The following TRPM5 variants were observed in gnomAD, a reference collection of about 807,000 sequenced individuals.
The protein encoded by TRPM5 is MLSN1 and TRP-related.
A neutral mutation model predicts 124.9 loss-of-function variants in TRPM5; 121 were observed. The ratio of observed to expected loss-of-function variants is 0.97; its 90% CI spans 0.84 to 1.13. The LOEUF is 1.13. Ranked by LOEUF, TRPM5 falls within the 50% of genes most tolerant of loss-of-function variation. TRPM5 has a pLI of 0.00. For missense variants in TRPM5, 1,643 were observed against 1,589.1 expected (o/e 1.03, Z -0.58); for synonymous variants, 781 against 700.5 (o/e 1.11, Z -1.81).
At chr11:2,408,885 A>G (rs1468608753) in intron 18 of TRPM5, among the ~76,000 whole-genome samples, 2 of 152,094 alleles carry the variant, frequency 1.3e-5, no homozygotes, top group East Asian at 3.9e-4. Context: ...GTGAGCCTGT[A>G]CATGTGATTG....
chr11:2,414,278 T>C (rs1850520172), intron 11 of TRPM5, 72 bp from the exon 17 acceptor site: 1 of 1,522,440 alleles, frequency 6.6e-7, no homozygotes, highest in South Asian at 1.3e-5. Context: ...CCCTCCTCCA[T>C]CCCCTGCCCA....
intron 4 of TRPM5, among the ~76,000 whole-genome samples, chr11:2,419,622 C>CAAAAAAAAAA (rs3986606): frequency 1.0e-4 from 13 of 126,954 alleles, no homozygotes; most frequent in African/African-American, 3.6e-4. Flanking sequence ...GATTCTGCCT[C>CAAAAAAAAAA]AAAAAAAAAA....
chr11:2,426,889 C>G (rs573636584), upstream of TRPM5, among the ~76,000 whole-genome samples: 1 of 152,328 alleles, frequency 6.6e-6, no homozygotes, highest in Admixed American at 6.5e-5. Context: ...GGACACGGCT[C>G]AGGGAAGTGG....
chr11:2,430,267 G>T, the TRPM5 span, among the ~76,000 whole-genome samples: 1 of 147,030 alleles, frequency 6.8e-6, no homozygotes, highest in Non-Finnish European at 1.5e-5. Flanking sequence ...ACCTGGAGTG[G>T]GTGCTGGCTT....
At chr11:2,417,947 C>G in intron 6 of TRPM5, 118 bp from the exon 12 acceptor site, 1 of 1,097,664 alleles carries the variant, frequency 9.1e-7, no homozygotes, top group African/African-American at 1.6e-5. Flanking sequence ...TTGCAGCCTG[C>G]ATGCCCACCG....
upstream of TRPM5, among the ~76,000 whole-genome samples, chr11:2,427,839 C>T (rs58065163): frequency 0.015 from 2,304 of 152,256 alleles, 62 homozygotes; most frequent in African/African-American, 0.053. Flanking sequence ...CGTCTCATGC[C>T]GGGGTGCTGG....
At chr11:2,404,937 T>C in exon 24 of TRPM5, 2 of 1,611,402 alleles carry the variant, frequency 1.2e-6, no homozygotes, top group Non-Finnish European at 1.7e-6. Context: ...GCCAAGCAGC[T>C]CAGGTGTCCG....
At chr11:2,407,361 C>T (rs984325837) in intron 19 of TRPM5, 61 bp from the exon 25 acceptor site, 165 of 1,482,112 alleles carry the variant, frequency 1.1e-4, no homozygotes, top group African/African-American at 5.7e-4. Context: ...GGGGACGCAT[C>T]CCCCTGCACC....
At chr11:2,414,009 G>GGGCCCCCCCCCCCCCCCCCC in intron 12 of TRPM5, 52 bp downstream of exon 17, 44 of 1,023,672 alleles carry the variant, frequency 4.3e-5, no homozygotes, top group East Asian at 1.1e-4. Context: ...GGCCCAGCTC[G>GGGCCCCCCCCCCCCCCCCCC]CCCGCCCACC....
chr11:2,410,266 C>A (rs1850418698), intron 18 of TRPM5, among the ~76,000 whole-genome samples: 3 of 152,206 alleles, frequency 2.0e-5, no homozygotes, highest in Admixed American at 2.0e-4. Context: ...CCCCGCCTGT[C>A]CCCGGAGGCC....
At chr11:2,425,127 T>G (rs897245689), upstream of TRPM5, among the ~76,000 whole-genome samples, 1 of 151,890 alleles carries the variant, frequency 6.6e-6, no homozygotes, top group African/African-American at 2.4e-5. Context: ...AGGCCCCAGG[T>G]GGGGGCTGGA....
chr11:2,443,828 C>G, the TRPM5 span, among the ~76,000 whole-genome samples: 2 of 149,216 alleles, frequency 1.3e-5, no homozygotes, highest in Non-Finnish European at 3.0e-5. The surrounding 1 kb of genome is among the most constrained non-coding windows in gnomAD (Gnocchi z 5.0). Flanking sequence ...CCCCCACCCC[C>G]CCCCCAAGCC....
chr11:2,406,135 G>T (rs777503334), intron 21 of TRPM5, 44 bp from the exon 27 acceptor site: 2 of 1,601,742 alleles, frequency 1.2e-6, no homozygotes, highest in Non-Finnish European at 8.5e-7. Flanking sequence ...GCCACGCGGT[G>T]CTCTGCGTGT....
chr11:2,417,696 C>T (rs958483376), intron 7 of TRPM5, 31 bp downstream of exon 12: 13 of 1,518,184 alleles, frequency 8.6e-6, no homozygotes, highest in African/African-American at 6.8e-5. Flanking sequence ...CCCCCAATGG[C>T]GCCTGCCTTG....
intron 18 of TRPM5, among the ~76,000 whole-genome samples, chr11:2,408,867 GTGTC>G (rs1307875743): frequency 1.6e-4 from 25 of 152,376 alleles, no homozygotes; most frequent in Non-Finnish European, 1.5e-5. Context: ...ACGCTGGCGT[GTGTC>G]TGTGTGAGCC....
chr11:2,430,411 T>C, the TRPM5 span, among the ~76,000 whole-genome samples: 35 of 152,300 alleles, frequency 2.3e-4, no homozygotes, highest in Non-Finnish European at 3.8e-4. Context: ...CCTCGGTAAA[T>C]TACTCAGTCT....
chr11:2,425,287 C>G (rs7102766), upstream of TRPM5, among the ~76,000 whole-genome samples: 1 of 152,174 alleles, frequency 6.6e-6, no homozygotes, highest in Non-Finnish European at 1.5e-5. Flanking sequence ...CCGTGCTCCC[C>G]CTGGAAGCTC....
intron 7 of TRPM5, among the ~76,000 whole-genome samples, chr11:2,416,502 ACTCGCACGTGAGGCTCACCAGC>A (rs760827749): frequency 1.3e-5 from 2 of 152,012 alleles, no homozygotes; most frequent in African/African-American, 4.8e-5. Context: ...TCCTCACCAG[ACTCGCACGTGAGGCTCACCAGC>A]CTCAGCCTCC....
At chr11:2,407,892 T>C (rs1850355814) in exon 19 of TRPM5, 1 of 1,613,422 alleles carries the variant, frequency 6.2e-7, no homozygotes, top group African/African-American at 1.3e-5. Context: ...AGTGGGTGGG[T>C]GGAGCAGTTC....
Sources: allele counts gnomAD v4.1 joint callset (sites outside exome capture counted in the v4.1 genomes callset), GRCh38; gene constraint gnomAD v4.1.1; non-coding constraint Gnocchi (gnomAD v3.1); transcripts MANE v1.5; gene names NCBI Gene and HGNC (gene_info 2026-07-23, HGNC 2026-07-21).